YY1AP1: variants seen among roughly 807,000 people sequenced by gnomAD.
The protein encoded by YY1AP1 is YY1 associated protein 1, also known as YY1-associated protein 1.
YY1AP1 carries 43 observed loss-of-function variants against 39.9 expected under a neutral mutation model. That is an observed-to-expected ratio of 1.08 (90% CI 0.84 to 1.39). YY1AP1 has a LOEUF of 1.39. Among genes scored for constraint, YY1AP1 ranks in the 40% most tolerant of loss-of-function variants. The pLI is 0.00. For missense variants in YY1AP1, 813 were observed against 900.7 expected (o/e 0.90, Z 1.25); for synonymous variants, 292 against 331.3 (o/e 0.88, Z 1.29).
intron 2 of YY1AP1, among the ~76,000 whole-genome samples, chr1:155,682,449 C>T (rs1418775785): frequency 6.6e-6 from 1 of 152,056 alleles, no homozygotes; most frequent in Non-Finnish European, 1.5e-5. Flanking sequence ...CATCTACATA[C>T]TCTACATGTC....
intron 3 of YY1AP1, 89 bp from the exon 4 acceptor site, chr1:155,679,601 C>A: frequency 6.2e-7 from 1 of 1,601,096 alleles, no homozygotes; most frequent in South Asian, 1.1e-5. Flanking sequence ...AAACTATAAA[C>A]AATACTTTAA....
At chr1:155,683,034 C>T (rs188795919) in intron 2 of YY1AP1, among the ~76,000 whole-genome samples, 2 of 150,866 alleles carry the variant, frequency 1.3e-5, no homozygotes, top group African/African-American at 4.9e-5. Context: ...TGCAGTGAGC[C>T]GAGATTGCGC....
intron 9 of YY1AP1, among the ~76,000 whole-genome samples, 166 bp from the exon 10 acceptor site, chr1:155,661,589 G>A (rs572616366): frequency 4.7e-5 from 7 of 149,874 alleles, no homozygotes; most frequent in Non-Finnish European, 7.4e-5. Flanking sequence ...ACACATATAC[G>A]AATAGCATAT....
In YY1AP1 at chr1:155,684,695, C is replaced by T. The variant is rs564600579; in HGVS notation, c.-21+3376G>A. Among the ~76,000 whole-genome samples the T allele has an allele frequency of 7.1e-4, 108 of 151,822 alleles. No homozygotes were observed. The Middle Eastern group carries it at 0.02, about 29-fold the overall frequency. On this transcript the variant is annotated intron_variant, in intron 2 of 10. Transcript: ENST00000355499. ...AGCAATTCTTGGTTCAAGCAATTCT[C>T]GTGCCTCAGCTTCCCGAGTAGCTGG...
chr1:155,679,583 A>G, intron 3 of YY1AP1, 71 bp from the exon 4 acceptor site: 1 of 1,611,542 alleles, frequency 6.2e-7, no homozygotes, highest in Non-Finnish European at 8.5e-7. Context: ...GTTGGGAAGG[A>G]AAAGTGAAAA....
At chr1:155,661,840 T>C (rs1435264405) in intron 9 of YY1AP1, among the ~76,000 whole-genome samples, 1 of 152,102 alleles carries the variant, frequency 6.6e-6, no homozygotes, top group Non-Finnish European at 1.5e-5. Context: ...GTATTTTTAG[T>C]AGAGACAGGG....
At chr1:155,679,073 A>C in intron 4 of YY1AP1, 3 of 1,201,138 alleles carry the variant, frequency 2.5e-6, no homozygotes, top group South Asian at 1.6e-5. Flanking sequence ...AAAAAGAACA[A>C]AAGGGACAGA....
chr1:155,680,560 A>G, intron 2 of YY1AP1, 104 bp from the exon 3 acceptor site: 1 of 967,270 alleles, frequency 1.0e-6, no homozygotes, highest in South Asian at 1.3e-5. Flanking sequence ...CATCTGACGA[A>G]TTCTTCATAT....
At chr1:155,674,140 G>T (rs371568365) in intron 6 of YY1AP1, among the ~76,000 whole-genome samples, 6 of 124,180 alleles carry the variant, frequency 4.8e-5, no homozygotes, top group Non-Finnish European at 7.9e-5. Flanking sequence ...CAGCCTGGGC[G>T]ACAGAGCGAG....
At position 155,661,550 on chromosome 1, in the gene YY1AP1, C is replaced by CA. The variant is rs59522498; in HGVS notation, c.880-128dup. The stretch of plus-strand genomic sequence containing the variant: ...ACACACACACACACACACACACACA[C>CA]AAGACCACATACACAAACATCCATG... On this transcript the variant is annotated intron_variant, in intron 9 of 10. Transcript: ENST00000355499. 182 of 1,448,854 alleles carry CA rather than the reference C, an allele frequency of 1.3e-4. No homozygotes were observed. In the Middle Eastern group the frequency reaches 1.3e-3, roughly 11 times the overall value. The allele number at this position is 1,448,854 out of a possible 1,614,324, so 89.7% of individuals were successfully genotyped here. A position where few individuals can be genotyped will look rare whatever the true frequency, so the allele number is the denominator to read the frequency against.
chr1:155,682,366 C>G (rs1010424950), intron 2 of YY1AP1, among the ~76,000 whole-genome samples: 5 of 152,050 alleles, frequency 3.3e-5, no homozygotes, highest in African/African-American at 1.2e-4. Context: ...GCGTTCTGAT[C>G]TCTGACACAC....
intron 4 of YY1AP1, among the ~76,000 whole-genome samples, chr1:155,677,076 A>C (rs1650803494): frequency 6.6e-6 from 1 of 152,146 alleles, no homozygotes. Context: ...GGAACTCATC[A>C]TTCTCATTTC....
chr1:155,678,572 G>A (rs936379217), intron 4 of YY1AP1, among the ~76,000 whole-genome samples: 1 of 152,158 alleles, frequency 6.6e-6, no homozygotes, highest in Admixed American at 6.5e-5. Context: ...GCAATCTTGA[G>A]ATTTTTGATG....
intron 4 of YY1AP1, 73 bp from the exon 5 acceptor site, chr1:155,676,819 G>A (rs1650767059): frequency 6.9e-7 from 1 of 1,449,100 alleles, no homozygotes; most frequent in Non-Finnish European, 9.6e-7. Flanking sequence ...TTGCAATGAT[G>A]AGCAAAGAGC....
chr1:155,673,634 C>G (rs1181080147), intron 6 of YY1AP1, among the ~76,000 whole-genome samples: 1 of 152,104 alleles, frequency 6.6e-6, no homozygotes, highest in Non-Finnish European at 1.5e-5. Flanking sequence ...GTCTCAACGT[C>G]CCAGGCTCAA....
At chr1:155,673,946 G>C (rs939364235) in intron 6 of YY1AP1, among the ~76,000 whole-genome samples, 3 of 151,970 alleles carry the variant, frequency 2.0e-5, no homozygotes, top group African/African-American at 7.2e-5. Context: ...CGGATCACGA[G>C]GTCAGGAGAT....
chr1:155,673,928 G>T (rs1055273568), intron 6 of YY1AP1, among the ~76,000 whole-genome samples: 2 of 151,952 alleles, frequency 1.3e-5, no homozygotes, highest in Non-Finnish European at 2.9e-5. Flanking sequence ...TTGGGAGGCC[G>T]AGGTGGGCGG....
intron 8 of YY1AP1, among the ~76,000 whole-genome samples, chr1:155,670,028 A>G (rs760463994): frequency 2.0e-5 from 3 of 152,194 alleles, no homozygotes; most frequent in Non-Finnish European, 4.4e-5. Context: ...CTGTCTCTAA[A>G]TAAATAATAA....
At chr1:155,681,842 A>ATT (rs57371049) in intron 2 of YY1AP1, among the ~76,000 whole-genome samples, 10 of 137,626 alleles carry the variant, frequency 7.3e-5, no homozygotes, top group East Asian at 2.1e-4. Flanking sequence ...TACATTGAGG[A>ATT]TTTTTTTTTT....
Sources: gnomAD v4.1 joint callset for allele counts (sites outside exome capture counted in the v4.1 genomes callset) on GRCh38, gnomAD v4.1.1 for gene constraint, MANE v1.5 for transcripts, NCBI Gene and HGNC (gene_info 2026-07-23, HGNC 2026-07-21) for gene names.